Variants in CEP57 observed in about 807,000 individuals in gnomAD.
CEP57 encodes the protein centrosomal protein 57.
A neutral mutation model predicts 68.0 loss-of-function variants in CEP57; 40 were observed. That is an observed-to-expected ratio of 0.59 (90% CI 0.46 to 0.77). CEP57 has a LOEUF of 0.77. Among genes scored for constraint, CEP57 ranks in the 30% least tolerant of loss-of-function variants. The pLI is 0.00. For synonymous variants in CEP57, 219 were observed against 198.7 expected (o/e 1.10, Z -0.86); for missense variants, 606 against 580.7 (o/e 1.04, Z -0.45).
At chr11:95,812,215 G>A (rs1565321395) in intron 2 of CEP57, among the ~76,000 whole-genome samples, 1 of 151,912 alleles carries the variant, frequency 6.6e-6, no homozygotes, top group African/African-American at 2.4e-5. Context: ...TTAATAAAAT[G>A]TATTAATAAG....
chr11:95,826,230 T>C (rs1223336421), intron 8 of CEP57: 1 of 152,230 alleles, frequency 6.6e-6, no homozygotes, highest in East Asian at 1.9e-4. Flanking sequence ...ATATACTTTC[T>C]CTTCCTTAGG....
In CEP57 at chr11:95,829,077, A is replaced by C. The variant is rs555827065; in HGVS notation, c.1128-110A>C. ...AAAAAATTTATTGCTCTGTTCAAAA[A>C]ATGGAGTCATTTTTTAAACACATGG... is the stretch of plus-strand genomic sequence containing the variant. On this transcript the variant is annotated intron_variant, in intron 9 of 10. Coordinates refer to ENST00000325542, the MANE Select transcript of CEP57 (RefSeq NM_014679.5). The C allele has an allele frequency of 3.3e-6, 4 of 1,206,044 alleles. No individual in the cohort carries two copies. The South Asian group carries it at 3.9e-5, about 12-fold the overall frequency. 74.7% of individuals were successfully genotyped at this position (1,206,044 alleles called of 1,614,324 possible).
chr11:95,809,842 T>C (rs1237432205), intron 2 of CEP57, among the ~76,000 whole-genome samples: 1 of 152,070 alleles, frequency 6.6e-6, no homozygotes, highest in Non-Finnish European at 1.5e-5. Context: ...CCTCCCAAAC[T>C]CATTTTATGA....
At chr11:95,805,632 T>C (rs1861766153) in intron 2 of CEP57, among the ~76,000 whole-genome samples, 1 of 152,190 alleles carries the variant, frequency 6.6e-6, no homozygotes, top group Non-Finnish European at 1.5e-5. Flanking sequence ...TAAATTAGTG[T>C]TTAGACAAAA....
intron 4 of CEP57, among the ~76,000 whole-genome samples, chr11:95,813,835 C>T (rs1328203408): frequency 2.0e-5 from 3 of 152,164 alleles, no homozygotes; most frequent in Non-Finnish European, 2.9e-5. Flanking sequence ...ATGTTAGCTT[C>T]TTTGAGTCTA....
intron 2 of CEP57, among the ~76,000 whole-genome samples, chr11:95,804,902 A>G (rs1861728735): frequency 6.6e-6 from 1 of 152,204 alleles, no homozygotes; most frequent in Non-Finnish European, 1.5e-5. Flanking sequence ...TTTCTAAATT[A>G]TCCTCTGCAT....
At chr11:95,796,437 A>G (rs911689779) in intron 1 of CEP57, among the ~76,000 whole-genome samples, 5 of 152,306 alleles carry the variant, frequency 3.3e-5, no homozygotes, top group South Asian at 2.1e-4. Flanking sequence ...CAGCCTTCCT[A>G]TGATATTTGT....
chr11:95,821,273 G>C (rs1385474020), intron 6 of CEP57, among the ~76,000 whole-genome samples: 1 of 151,996 alleles, frequency 6.6e-6, no homozygotes, highest in Non-Finnish European at 1.5e-5. Context: ...GTCCTTTTTT[G>C]AAATTCTTAG....
At chr11:95,801,332 G>A (rs866423336) in intron 2 of CEP57, among the ~76,000 whole-genome samples, 3 of 150,114 alleles carry the variant, frequency 2.0e-5, no homozygotes, top group African/African-American at 7.4e-5. Context: ...CGATGATAAC[G>A]AAAATTTTTA....
In CEP57 at chr11:95,829,248, T is replaced by C. The variant is rs368490548; in HGVS notation, c.1189T>C (p.Leu397=). The stretch of plus-strand genomic sequence containing the variant: ...GCCAACCGTTGAACTGAAAGACAAG[T>C]TGGAGTGTGAATTGGAGGCATTAGT... The part of the protein sequence containing the change: ...ESPTVELKDK[L]ECELEALVGR... The change falls in exon 10 of 11, where the codon TTG becomes CTG. Residue 397 remains leucine, a synonymous_variant. Transcript: ENST00000325542. 6.2e-7 allele frequency: 1 copy of C among 1,613,920 alleles called. No homozygotes were observed. The highest frequency in any genetic ancestry group is 8.5e-7 in the Non-Finnish European group (1 of 1,179,960).
At chr11:95,822,020 G>C (rs757692899) in intron 7 of CEP57, 42 bp downstream of exon 7, 1 of 1,351,946 alleles carries the variant, frequency 7.4e-7, no homozygotes, top group Non-Finnish European at 1.1e-6. Flanking sequence ...CTGATTACTT[G>C]GTATAGTTTA....
rs116595318 is a variant in CEP57 at position 95,822,937 on chromosome 11, T to G, written c.885+361T>G. The G allele has an allele frequency of 1.6e-3, 473 of 288,852 alleles. 4 individuals carry two copies. Among genetic ancestry groups the G allele is most frequent in the African/African-American group, 9.7e-3 (450 of 46,276 alleles). 17.9% of individuals were successfully genotyped at this position (288,852 alleles called of 1,614,324 possible). Reference sequence around the variant, plus strand: ...AGTTACATTTAGATATAGGTAGATATTCGAATAAGCACGTAGCACATTCTG... The same window carrying G: ...AGTTACATTTAGATATAGGTAGATAGTCGAATAAGCACGTAGCACATTCTG... On this transcript the variant is annotated intron_variant, in intron 8 of 10. Coordinates refer to ENST00000325542, the MANE Select transcript of CEP57 (RefSeq NM_014679.5).
intron 2 of CEP57, among the ~76,000 whole-genome samples, chr11:95,805,952 T>C (rs1232606624): frequency 6.6e-6 from 1 of 152,178 alleles, no homozygotes; most frequent in Admixed American, 6.5e-5. Context: ...ACTGTAAATA[T>C]AATTTTAAAA....
intron 6 of CEP57, among the ~76,000 whole-genome samples, chr11:95,819,877 A>G (rs900973023): frequency 6.6e-6 from 1 of 151,108 alleles, no homozygotes; most frequent in African/African-American, 2.4e-5. Flanking sequence ...TCCTTCTCAA[A>G]TATTTACCTT....
chr11:95,828,827 C>T (rs969695612), intron 9 of CEP57, among the ~76,000 whole-genome samples: 1 of 151,960 alleles, frequency 6.6e-6, no homozygotes, highest in African/African-American at 2.4e-5. Context: ...CTTTGGGAGG[C>T]TGAAGTGGGC....
In CEP57 at chr11:95,832,047, A is replaced by G. The variant is rs140785413; in HGVS notation, c.*791A>G. On this transcript the variant is annotated 3_prime_UTR_variant, in exon 11 of 11. Transcript: ENST00000325542. ...TGTAATCATGATATTCAGTCAAGGC[A>G]TTATGGTTTTTAATCTTGAAACTTA... 402 of 152,224 alleles carry G rather than the reference A, an allele frequency of 2.6e-3. 6 individuals carry two copies. Among genetic ancestry groups the G allele is most frequent in the African/African-American group, 9.3e-3 (388 of 41,542 alleles). The allele number at this position is 152,224 out of a possible 1,614,324, so 9.4% of individuals were successfully genotyped here. A position where few individuals can be genotyped will look rare whatever the true frequency, so the allele number is the denominator to read the frequency against.
At chr11:95,823,269 T>C (rs1465580112) in intron 8 of CEP57, 4 of 152,300 alleles carry the variant, frequency 2.6e-5, no homozygotes, top group Admixed American at 2.6e-4. Context: ...AGTGAAATCA[T>C]GGGGAATATA....
chr11:95,809,417 G>A (rs911427704), intron 2 of CEP57, among the ~76,000 whole-genome samples: 5 of 152,126 alleles, frequency 3.3e-5, no homozygotes, highest in Non-Finnish European at 7.3e-5. Context: ...TCCAGGAGCT[G>A]GTTTTTTGAA....
In CEP57 at chr11:95,799,755, A is replaced by G. The variant is rs537405961; in HGVS notation, c.202+367A>G. On this transcript the variant is annotated intron_variant, in intron 2 of 10. Transcript: ENST00000325542. ...CATCATCTGTAGCCCAGATGTTCAT[A>G]GTACATTCCTCATTAATCTCCCTGC... 3.9e-5 allele frequency among the ~76,000 whole-genome samples: 6 copies of G among 152,258 alleles called. No homozygotes were observed. The East Asian group carries it at 7.7e-4, about 20-fold the overall frequency.
Sources: allele counts gnomAD v4.1 joint callset (sites outside exome capture counted in the v4.1 genomes callset), GRCh38; gene constraint gnomAD v4.1.1; transcripts MANE v1.5; gene names NCBI Gene and HGNC (gene_info 2026-07-23, HGNC 2026-07-21).